CPD: variants seen among roughly 807,000 people sequenced by gnomAD.
CPD encodes carboxypeptidase D.
In CPD, 69 loss-of-function variants were observed where a neutral mutation model predicts 138.3. The observed-to-expected ratio is 0.50, with a 90% confidence interval of 0.41 to 0.61. CPD has a LOEUF of 0.61. CPD is among the 20% of genes least tolerant of loss of function. The probability of loss-of-function intolerance (pLI) is 0.00; values close to 1 mark genes in which losing one functional copy is unlikely to be tolerated. For missense variants in CPD, 1,432 were observed against 1,733.3 expected (o/e 0.83, Z 3.09); for synonymous variants, 651 against 642.1 (o/e 1.01, Z -0.21).
At chr17:30,381,938 T>G (rs1911060466) in intron 1 of CPD, among the ~76,000 whole-genome samples, 2 of 152,210 alleles carry the variant, frequency 1.3e-5, no homozygotes, top group Admixed American at 1.3e-4. Flanking sequence ...CTTCATCCAA[T>G]GGATGTTGAG....
chr17:30,449,478 T>C, intron 12 of CPD, 75 bp from the exon 13 acceptor site: 1 of 1,322,044 alleles, frequency 7.6e-7, no homozygotes, highest in Admixed American at 2.8e-5. Flanking sequence ...TTCATTTCTA[T>C]TTTTAAAGTC....
chr17:30,420,101 A>G (rs1235329351), intron 2 of CPD, among the ~76,000 whole-genome samples: 3 of 152,260 alleles, frequency 2.0e-5, no homozygotes, highest in Non-Finnish European at 2.9e-5. Context: ...TGATAGGGTA[A>G]TAGGCTGTCA....
At chr17:30,409,970 T>TA (rs546405387) in intron 2 of CPD, among the ~76,000 whole-genome samples, 64 of 152,364 alleles carry the variant, frequency 4.2e-4, no homozygotes, top group African/African-American at 1.3e-3. Context: ...TTTAGCTCTT[T>TA]CCTGCTTTCT....
In CPD at chr17:30,438,973, A is replaced by T; in HGVS notation, c.2128-2A>T. On this transcript the variant is annotated splice_acceptor_variant, in intron 8 of 20. Coordinates refer to ENST00000225719, the MANE Select transcript of CPD (RefSeq NM_001304.5). LOFTEE classifies it high-confidence loss of function. Reference sequence around the variant, plus strand: ...AAGTAAAGATTCTTTTTGTTTTTCCAGGAAAATTCCCAGATGTTTCAAGGT... The same window carrying T: ...AAGTAAAGATTCTTTTTGTTTTTCCTGGAAAATTCCCAGATGTTTCAAGGT... 1 of 1,526,352 alleles carries T rather than the reference A, an allele frequency of 6.6e-7. No individual in the cohort carries two copies. Among genetic ancestry groups the T allele is most frequent in the Non-Finnish European group, 8.8e-7 (1 of 1,135,364 alleles). 94.6% of individuals were successfully genotyped at this position (1,526,352 alleles called of 1,614,324 possible). A position where few individuals can be genotyped will look rare whatever the true frequency, so the allele number is the denominator to read the frequency against.
chr17:30,463,334 A>G (rs184472224), intron 20 of CPD, among the ~76,000 whole-genome samples: 2 of 152,336 alleles, frequency 1.3e-5, no homozygotes, highest in African/African-American at 2.4e-5. Context: ...CCACTAAAAC[A>G]TAAGTTCTGA....
At chr17:30,443,631 G>GC (rs1185345310) in intron 10 of CPD, among the ~76,000 whole-genome samples, 171 bp from the exon 11 acceptor site, 2 of 152,074 alleles carry the variant, frequency 1.3e-5, no homozygotes, top group Non-Finnish European at 2.9e-5. Context: ...TGAAAAATTA[G>GC]CCTTCAGAAA....
At position 30,423,004 on chromosome 17, in the gene CPD, T is replaced by A. The variant is rs746029950; in HGVS notation, c.1638T>A (p.Asn546Lys). 1.2e-6 allele frequency: 2 copies of A among 1,611,782 alleles called. No homozygotes were observed. Among genetic ancestry groups the A allele is most frequent in the East Asian group, 4.5e-5 (2 of 44,864 alleles). Reference protein sequence around the residue: ...RELYVMEISDNPGVHEPGEPE... With the variant: ...RELYVMEISDKPGVHEPGEPE... Reference sequence around the variant, plus strand: ...TTTATGTGATGGAGATATCTGATAATCCGGGTGTCCATGAACCAGGTAATT... The same window carrying A: ...TTTATGTGATGGAGATATCTGATAAACCGGGTGTCCATGAACCAGGTAATT... The change falls in exon 5 of 21, where the codon AAT becomes AAA. Residue 546 changes from asparagine to lysine, a missense_variant. Asn to Lys is a moderately conservative substitution (Grantham distance 94). Coordinates refer to ENST00000225719, the MANE Select transcript of CPD (RefSeq NM_001304.5).
rs1320567850 is a variant in CPD, at chr17:30,379,881, G to T, written c.746+155G>T. ...GTAACGGGGACAGGGCCCAGGCCGC[G>T]TAGCCTCCCGTCCTGCTAATCATCA... On this transcript the variant is annotated intron_variant, in intron 1 of 20. Coordinates refer to ENST00000225719, the MANE Select transcript of CPD (RefSeq NM_001304.5). The surrounding 1 kb of genome is among the most constrained non-coding windows in gnomAD (Gnocchi z 7.0). 6.6e-6 allele frequency among the ~76,000 whole-genome samples: 1 copy of T among 152,220 alleles called. No individual in the cohort carries two copies. The highest frequency in any genetic ancestry group is 1.9e-4 in the East Asian group (1 of 5,188).
In CPD at chr17:30,451,692, A is replaced by C. The variant is rs1913170544; in HGVS notation, c.3070-19A>C. The C allele has an allele frequency of 6.2e-7, 1 of 1,610,418 alleles. No individual in the cohort carries two copies. The highest frequency in any genetic ancestry group is 1.1e-5 in the South Asian group (1 of 90,358). On this transcript the variant is annotated intron_variant, in intron 13 of 20. Coordinates refer to ENST00000225719, the MANE Select transcript of CPD (RefSeq NM_001304.5). The stretch of plus-strand genomic sequence containing the variant: ...TCTACATGCAGCTAGTAACTCGTTA[A>C]TTTCTGTTTGTGCTTCAGTTGGTTG...
intron 2 of CPD, among the ~76,000 whole-genome samples, chr17:30,420,040 T>C (rs1912224805): frequency 6.6e-6 from 1 of 152,202 alleles, no homozygotes; most frequent in Non-Finnish European, 1.5e-5. Context: ...TTCTCCACTT[T>C]TTAGTCTTTA....
In CPD at chr17:30,461,856, A is replaced by C. The variant is rs73987931; in HGVS notation, c.3631-21A>C. 3,973 of 1,566,118 alleles carry C rather than the reference A, an allele frequency of 2.5e-3. 95 individuals are homozygous for C. In the African/African-American group the frequency reaches 0.049, roughly 19 times the overall value. ...TCTGGCATTATGACAACATAAATTT[A>C]TATTTTAAACATTTTTTCAGGTTCA... On this transcript the variant is annotated intron_variant, in intron 18 of 20. Transcript: ENST00000225719.
chr17:30,405,076 T>C, intron 2 of CPD, among the ~76,000 whole-genome samples: 1 of 152,142 alleles, frequency 6.6e-6, no homozygotes, highest in Non-Finnish European at 1.5e-5. Flanking sequence ...TTTAGAAGTT[T>C]ATTTTGCCAA....
rs1443834278 is a variant in CPD at position 30,423,566 on chromosome 17, T to G, written c.1718T>G (p.Leu573Arg). Residue 573 changes from leucine (L) to arginine (R), a missense_variant, in exon 6 of 21, where the codon CTG becomes CGG. Physicochemically the swap from Leu to Arg is moderately radical, Grantham distance 102 (BLOSUM62 -2). Around this residue, in one of 6 missense-constraint regions of CPD, gnomAD observed 297 missense variants for 405.3 expected, o/e 0.73. Transcript: ENST00000225719. ...MHGNEVVGRELLLNLIEYLCK... is the reference protein window; with the variant it reads ...MHGNEVVGRERLLNLIEYLCK... Reference sequence around the variant, plus strand: ...GGAAATGAAGTGGTTGGAAGAGAACTGCTGTTGAACCTCATAGAATACCTT... The same window carrying G: ...GGAAATGAAGTGGTTGGAAGAGAACGGCTGTTGAACCTCATAGAATACCTT... 2 of 1,610,524 alleles carry G rather than the reference T, an allele frequency of 1.2e-6. No individual in the cohort carries two copies.
intron 6 of CPD, among the ~76,000 whole-genome samples, chr17:30,424,339 G>A (rs1912344872): frequency 6.6e-6 from 1 of 152,144 alleles, no homozygotes. Context: ...CAGACTTAAG[G>A]TCTGTGTTGG....
At chr17:30,428,931 A>T (rs564368352) in intron 7 of CPD, among the ~76,000 whole-genome samples, 1 of 152,264 alleles carries the variant, frequency 6.6e-6, no homozygotes, top group Non-Finnish European at 1.5e-5. Flanking sequence ...TGGGGAAGAA[A>T]TTTAGTTTCA....
intron 2 of CPD, among the ~76,000 whole-genome samples, chr17:30,389,696 G>A (rs1911296698): frequency 1.3e-5 from 2 of 152,206 alleles, no homozygotes; most frequent in African/African-American, 4.8e-5. Context: ...TAAGGCCAGA[G>A]ATTATTTGGT....
intron 15 of CPD, 147 bp from the exon 16 acceptor site, chr17:30,456,109 C>A (rs929475107): frequency 1.8e-5 from 11 of 617,236 alleles, no homozygotes; most frequent in African/African-American, 9.3e-5. Context: ...TAAATAAAAC[C>A]TTTTAGGGTT....
Position 30,379,089 on chromosome 17 carries a change from G to A in CPD, c.109G>A (p.Ala37Thr), listed in dbSNP as rs1910967410. Residue 37 changes from alanine to threonine, a missense_variant, in exon 1 of 21, where the codon GCG (alanine) becomes ACG (threonine). Physicochemically the swap from Ala to Thr is moderately conservative, Grantham distance 58. This residue lies in a region of CPD where 484 missense variants were observed against 477.2 expected (regional missense o/e 1.01). Transcript: ENST00000225719. The surrounding 1 kb of genome is among the most constrained non-coding windows in gnomAD (Gnocchi z 7.0). Reference protein sequence around the residue: ...SSARAAHIKKAEATTTTTSAG... With the variant: ...SSARAAHIKKTEATTTTTSAG... ...GGCCCGGGCGGCTCACATCAAGAAG[G>A]CGGAGGCGACTACCACAACTACGAG... 1 of 1,559,438 alleles carries A rather than the reference G, an allele frequency of 6.4e-7. No homozygotes were observed. Among genetic ancestry groups the A allele is most frequent in the Non-Finnish European group, 8.6e-7 (1 of 1,158,224 alleles).
At chr17:30,427,064 T>C (rs1567876062) in intron 6 of CPD, among the ~76,000 whole-genome samples, 1 of 151,762 alleles carries the variant, frequency 6.6e-6, no homozygotes, top group South Asian at 2.1e-4. Flanking sequence ...TGCCTGTAAT[T>C]CCAGCTACTT....
Sources: allele counts gnomAD v4.1 joint callset (sites outside exome capture counted in the v4.1 genomes callset), GRCh38; gene constraint gnomAD v4.1.1; regional missense constraint gnomAD v4.1.1; non-coding constraint Gnocchi (gnomAD v3.1); transcripts MANE v1.5; gene names NCBI Gene and HGNC (gene_info 2026-07-23, HGNC 2026-07-21).